Variants in CTDSPL2 observed in about 807,000 individuals in gnomAD.
CTDSPL2 encodes CTD small phosphatase-like protein 2.
CTDSPL2 carries 5 observed loss-of-function variants against 60.0 expected under a neutral mutation model. That is an observed-to-expected ratio of 0.08 (90% CI 0.04 to 0.18). The LOEUF is 0.18. CTDSPL2 is among the 10% of genes least tolerant of loss of function. The probability of loss-of-function intolerance (pLI) is 1.00; values close to 1 mark genes in which losing one functional copy is unlikely to be tolerated. For synonymous variants in CTDSPL2, 186 were observed against 189.3 expected (o/e 0.98, Z 0.14); for missense variants, 370 against 548.8 (o/e 0.67, Z 3.26).
At chr15:44,431,712 GTTTGTTT>G (rs2079861201) in intron 1 of CTDSPL2, among the ~76,000 whole-genome samples, 1 of 137,924 alleles carries the variant, frequency 7.3e-6, no homozygotes, top group African/African-American at 2.8e-5. Context: ...TTGTTTGTTT[GTTTGTTT>G]TTTTTTTTTT....
intron 7 of CTDSPL2, among the ~76,000 whole-genome samples, chr15:44,499,450 C>A (rs1308312724): frequency 6.6e-6 from 1 of 152,136 alleles, no homozygotes; most frequent in Admixed American, 6.6e-5. Context: ...ATCCCCTCCC[C>A]TGAGTTTCTG....
chr15:44,440,812 T>A (rs2080069880), intron 1 of CTDSPL2, among the ~76,000 whole-genome samples: 1 of 152,198 alleles, frequency 6.6e-6, no homozygotes, highest in Non-Finnish European at 1.5e-5. Flanking sequence ...TATTTATACC[T>A]GGAACATTGC....
intron 1 of CTDSPL2, among the ~76,000 whole-genome samples, chr15:44,452,231 C>T (rs535793736): frequency 6.6e-6 from 1 of 152,204 alleles, no homozygotes; most frequent in Admixed American, 6.5e-5. Flanking sequence ...AAGGCAAAAT[C>T]TGTTTTGCTT....
intron 1 of CTDSPL2, chr15:44,448,039 T>C: frequency 4.2e-6 from 1 of 236,622 alleles, no homozygotes. Flanking sequence ...ATGTTCCAGG[T>C]TGTTGGCACC....
chr15:44,494,657 C>T (rs2081267893), intron 5 of CTDSPL2, among the ~76,000 whole-genome samples: 1 of 151,438 alleles, frequency 6.6e-6, no homozygotes, highest in Admixed American at 6.6e-5. Context: ...TGCCTGTAGT[C>T]CCTGCACTTT....
intron 8 of CTDSPL2, 45 bp from the exon 9 acceptor site, chr15:44,514,553 C>G (rs752964433): frequency 8.9e-7 from 1 of 1,126,478 alleles, no homozygotes; most frequent in Non-Finnish European, 1.4e-6. Flanking sequence ...AAGTGGTTTC[C>G]CATTGTATGT....
intron 1 of CTDSPL2, among the ~76,000 whole-genome samples, chr15:44,441,524 C>T (rs1049152012): frequency 6.6e-6 from 1 of 152,200 alleles, no homozygotes; most frequent in African/African-American, 2.4e-5. Context: ...TCATGCTAAT[C>T]CACACTTTGC....
intron 1 of CTDSPL2, among the ~76,000 whole-genome samples, chr15:44,445,090 C>T (rs1271346668): frequency 3.3e-5 from 5 of 151,590 alleles, no homozygotes; most frequent in African/African-American, 7.3e-5. Flanking sequence ...GTGATCCGCC[C>T]GCCTCGGCCT....
chr15:44,472,983 G>A (rs2080841932), intron 2 of CTDSPL2, among the ~76,000 whole-genome samples: 1 of 152,038 alleles, frequency 6.6e-6, no homozygotes, highest in South Asian at 2.1e-4. Context: ...TTTTTGTAGA[G>A]ACAGGGTTTC....
intron 1 of CTDSPL2, 65 bp from the exon 2 acceptor site, chr15:44,458,926 G>A: frequency 9.3e-7 from 1 of 1,078,728 alleles, no homozygotes; most frequent in Non-Finnish European, 1.3e-6. Flanking sequence ...GGGCACATTT[G>A]GGTAGAGAAG....
intron 1 of CTDSPL2, among the ~76,000 whole-genome samples, chr15:44,436,318 T>G (rs539668378): frequency 9.2e-5 from 14 of 152,288 alleles, no homozygotes; most frequent in Admixed American, 4.6e-4. Flanking sequence ...AACATTTGTG[T>G]TTTATTGTGA....
At chr15:44,446,718 GAGAGAA>G (rs1441923905) in intron 1 of CTDSPL2, among the ~76,000 whole-genome samples, 3 of 143,556 alleles carry the variant, frequency 2.1e-5, no homozygotes, top group Non-Finnish European at 3.1e-5. Context: ...AAAAAAAAAA[GAGAGAA>G]AGAGAAAGGG....
chr15:44,515,473 T>A (rs573410508), intron 10 of CTDSPL2, among the ~76,000 whole-genome samples: 1 of 152,226 alleles, frequency 6.6e-6, no homozygotes, highest in East Asian at 1.9e-4. Flanking sequence ...TCAGCTGAAG[T>A]GAGATAGTAA....
rs2081880180 is a variant in CTDSPL2 at position 44,526,703 on chromosome 15, TTTTC to T, written c.*2533_*2536del. 6.6e-6 allele frequency: 1 copy of T among 152,182 alleles called. No homozygotes were observed. The highest frequency in any genetic ancestry group is 2.4e-5 in the African/African-American group (1 of 41,460). 9.4% of individuals were successfully genotyped at this position (152,182 alleles called of 1,614,324 possible). ...TGTTTTGTCTTCCCATTATCCTCTC[TTTTC>T]TTTATCTGTTGGTAGATGTAAAAAA... On this transcript the variant is annotated 3_prime_UTR_variant, in exon 13 of 13. Transcript: ENST00000260327.
At chr15:44,510,422 TTTC>T (rs1363402168) in intron 8 of CTDSPL2, among the ~76,000 whole-genome samples, 1 of 152,244 alleles carries the variant, frequency 6.6e-6, no homozygotes, top group African/African-American at 2.4e-5. Context: ...AATATAATTA[TTTC>T]TTATTATGGC....
At position 44,427,780 on chromosome 15, in the gene CTDSPL2, C is replaced by T. The variant is rs747705648; in HGVS notation, c.-25+8C>T. On this transcript the variant is annotated splice_region_variant and intron_variant, in intron 1 of 12. Transcript: ENST00000260327. ...CTCTGTCGTCACAGTTAGGTAATCC[C>T]CTTCGTCCAGACGCCGCCGCTGCTT... 7.5e-6 allele frequency: 3 copies of T among 399,114 alleles called. No individual in the cohort carries two copies. Among genetic ancestry groups the T allele is most frequent in the Non-Finnish European group, 1.3e-5 (3 of 226,334 alleles). 24.7% of individuals were successfully genotyped at this position (399,114 alleles called of 1,614,324 possible).
At chr15:44,521,286 TTTAA>T in intron 11 of CTDSPL2, 21 bp from the exon 12 acceptor site, 3 of 1,108,930 alleles carry the variant, frequency 2.7e-6, no homozygotes, top group Non-Finnish European at 4.0e-6. Flanking sequence ...TAAAAGAGGA[TTTAA>T]TTACTTATTT....
At chr15:44,434,067 C>T (rs986051551) in intron 1 of CTDSPL2, among the ~76,000 whole-genome samples, 1 of 150,090 alleles carries the variant, frequency 6.7e-6, no homozygotes. Flanking sequence ...TTAGAAAAAT[C>T]ATTGTTATTT....
intron 1 of CTDSPL2, among the ~76,000 whole-genome samples, chr15:44,445,938 T>C (rs2080204203): frequency 6.8e-6 from 1 of 146,538 alleles, no homozygotes; most frequent in South Asian, 2.2e-4. Flanking sequence ...TGCCTGGCCT[T>C]TTTTTTTTTT....
Sources: gnomAD v4.1 joint callset for allele counts (sites outside exome capture counted in the v4.1 genomes callset) on GRCh38, gnomAD v4.1.1 for gene constraint, MANE v1.5 for transcripts, NCBI Gene and HGNC (gene_info 2026-07-23, HGNC 2026-07-21) for gene names.